Variants in RGL1 observed in about 807,000 individuals in gnomAD.
RGL1 encodes ral guanine nucleotide dissociation stimulator-like 1.
Under a neutral mutation model 95.2 loss-of-function variants are expected in RGL1, and 24 were observed. The observed-to-expected ratio is 0.25, with a 90% CI of 0.18 to 0.35. The LOEUF (loss-of-function observed/expected upper bound fraction) is 0.35, where lower values mean the gene tolerates loss of function less well. Ranked by LOEUF, RGL1 falls within the 10% of genes least tolerant of loss-of-function variation. RGL1 has a pLI of 1.00. For synonymous variants in RGL1, 329 were observed against 344.9 expected (o/e 0.95, Z 0.51); for missense variants, 715 against 936.3 (o/e 0.76, Z 3.08).
chr1:183,850,425 C>A (rs1454919815), intron 3 of RGL1, among the ~76,000 whole-genome samples: 1 of 152,054 alleles, frequency 6.6e-6, no homozygotes, highest in Admixed American at 6.6e-5. Flanking sequence ...AAGTTATATT[C>A]CAATATAAGT....
intron 1 of RGL1, among the ~76,000 whole-genome samples, chr1:183,706,271 G>A (rs540330805): frequency 8.1e-4 from 124 of 152,226 alleles, no homozygotes; most frequent in African/African-American, 2.8e-3. Context: ...GGTGGCTCGG[G>A]GTTTGGAGAC....
At chr1:183,861,211 G>A (rs572945273) in intron 3 of RGL1, among the ~76,000 whole-genome samples, 2 of 152,214 alleles carry the variant, frequency 1.3e-5, no homozygotes, top group South Asian at 4.1e-4. Flanking sequence ...GTTATTATTG[G>A]ATCATTTGCC....
chr1:183,674,151 G>A (rs552449804), intron 1 of RGL1, among the ~76,000 whole-genome samples: 7 of 152,020 alleles, frequency 4.6e-5, no homozygotes, highest in South Asian at 2.1e-4. Flanking sequence ...TAACACCATG[G>A]GAGTGAGTCC....
At chr1:183,742,118 C>T (rs777876433) in intron 1 of RGL1, 4 of 1,611,154 alleles carry the variant, frequency 2.5e-6, no homozygotes, top group Non-Finnish European at 8.5e-7. Context: ...CTTTATTCTT[C>T]CACACAGATC....
chr1:183,728,114 G>A (rs1194527925), intron 1 of RGL1, among the ~76,000 whole-genome samples: 1 of 152,168 alleles, frequency 6.6e-6, no homozygotes, highest in Non-Finnish European at 1.5e-5. Flanking sequence ...TTTAAGCTGG[G>A]ACATTGGTCT....
chr1:183,899,532 T>C (rs1346409959), intron 10 of RGL1, among the ~76,000 whole-genome samples: 1 of 152,228 alleles, frequency 6.6e-6, no homozygotes, highest in East Asian at 1.9e-4. Context: ...GCCCTTCTCA[T>C]CACATCACAT....
At chr1:183,638,937 CAT>C (rs1259975949) in intron 1 of RGL1, among the ~76,000 whole-genome samples, 1 of 152,192 alleles carries the variant, frequency 6.6e-6, no homozygotes, top group East Asian at 1.9e-4. Context: ...AGGATTCTAA[CAT>C]GTGCTTCTCT....
chr1:183,725,477 A>C (rs1656260375), intron 1 of RGL1, among the ~76,000 whole-genome samples: 2 of 152,338 alleles, frequency 1.3e-5, no homozygotes, highest in East Asian at 3.9e-4. Context: ...TAGTCTATAA[A>C]AATTTATTTA....
chr1:183,648,001 A>G, intron 1 of RGL1: 4 of 1,614,220 alleles, frequency 2.5e-6, no homozygotes, highest in Non-Finnish European at 3.4e-6. Context: ...TTTAAGGGGT[A>G]GCTCTCTAAA....
At chr1:183,685,582 G>T (rs1271253761) in intron 1 of RGL1, among the ~76,000 whole-genome samples, 2 of 152,094 alleles carry the variant, frequency 1.3e-5, no homozygotes, top group Non-Finnish European at 2.9e-5. Context: ...ATTTCAAAAA[G>T]ATTATAGTAC....
chr1:183,916,817 T>C (rs1669008191), intron 16 of RGL1, 116 bp downstream of exon 16: 4 of 1,188,752 alleles, frequency 3.4e-6, no homozygotes, highest in Non-Finnish European at 4.7e-6. Flanking sequence ...CATATACATA[T>C]ATGCATTCAC....
rs1669710357 is a variant in RGL1, at chr1:183,928,009, C to T, written c.*1717C>T. 1.3e-5 allele frequency: 2 copies of T among 152,512 alleles called. No homozygotes were observed. Among genetic ancestry groups the T allele is most frequent in the Admixed American group, 1.3e-4 (2 of 15,262 alleles). The allele number at this position is 152,512 out of a possible 1,614,324, so 9.4% of individuals were successfully genotyped here. ...GAGATTGGACTACACATTGTAAAGA[C>T]TGACTGGGTTTCAACTAGTCAAAAA... On this transcript the variant is annotated 3_prime_UTR_variant, in exon 18 of 18. Coordinates refer to ENST00000360851, the MANE Select transcript of RGL1 (RefSeq NM_001297671.3).
In RGL1 at chr1:183,847,596, ACAGT is replaced by A. The variant is rs1415048657; in HGVS notation, c.176_179del (p.Ser59AsnfsTer10). ...AGGGGACCAGCTGCCTCCAGGACAC[ACAGT>A]CAGTCAATATGAAACCTGTAAGATC... On this transcript the variant is annotated frameshift_variant, in exon 3 of 18. Transcript: ENST00000360851. LOFTEE classifies it high-confidence loss of function. The A allele has an allele frequency of 1.2e-6, 2 of 1,614,146 alleles. No homozygotes were observed. Among genetic ancestry groups the A allele is most frequent in the Admixed American group, 1.7e-5 (1 of 60,020 alleles).
intron 4 of RGL1, among the ~76,000 whole-genome samples, chr1:183,877,888 G>C (rs1179035759): frequency 6.6e-6 from 1 of 152,168 alleles, no homozygotes; most frequent in Admixed American, 6.5e-5. Flanking sequence ...AACTCTCCTA[G>C]TTCTTCTGAG....
intron 2 of RGL1, among the ~76,000 whole-genome samples, chr1:183,809,865 G>A (rs1661586670): frequency 6.6e-6 from 1 of 152,194 alleles, no homozygotes; most frequent in Non-Finnish European, 1.5e-5. Context: ...GCTGAGGTGG[G>A]AGGATCGCGT....
chr1:183,752,130 T>C (rs1658038577), intron 2 of RGL1, among the ~76,000 whole-genome samples: 1 of 152,204 alleles, frequency 6.6e-6, no homozygotes, highest in Admixed American at 6.5e-5. Flanking sequence ...ATTGCCAAAC[T>C]GTTTTCCAAA....
In RGL1 at chr1:183,729,385, G is replaced by A. The variant is rs532656292; in HGVS notation, c.-32-12741G>A. Among the ~76,000 whole-genome samples the A allele has an allele frequency of 8.5e-5, 13 of 152,196 alleles. No homozygotes were observed. The South Asian group carries it at 1.0e-3, about 12-fold the overall frequency. ...ATGCTCAATATCATTCATCATTAGGGAAATGAAAATTACAACCACAATGTG... is the reference window on the plus strand; with the variant it reads ...ATGCTCAATATCATTCATCATTAGGAAAATGAAAATTACAACCACAATGTG... On this transcript the variant is annotated intron_variant, in intron 1 of 18. Transcript: ENST00000304685.
In RGL1 at chr1:183,836,704, C is replaced by T. The variant is rs189562676; in HGVS notation, c.139-10862C>T. On this transcript the variant is annotated intron_variant, in intron 2 of 17. Transcript: ENST00000360851. ...TATCAGTAGCCAATTCTAGCAAGCCCATGATCTAGGAATATTATACGTGCC... is the reference window on the plus strand; with the variant it reads ...TATCAGTAGCCAATTCTAGCAAGCCTATGATCTAGGAATATTATACGTGCC... 2.8e-3 allele frequency among the ~76,000 whole-genome samples: 432 copies of T among 152,216 alleles called. 2 individuals carry two copies. The highest frequency in any genetic ancestry group is 9.9e-3 in the African/African-American group (413 of 41,524).
At chr1:183,652,336 G>C (rs1650821204) in intron 1 of RGL1, among the ~76,000 whole-genome samples, 1 of 152,180 alleles carries the variant, frequency 6.6e-6, no homozygotes, top group African/African-American at 2.4e-5. Flanking sequence ...AGAGGACTGT[G>C]GCTTTAACAC....
Sources: gnomAD v4.1 joint callset for allele counts (sites outside exome capture counted in the v4.1 genomes callset) on GRCh38, gnomAD v4.1.1 for gene constraint, MANE v1.5 for transcripts, NCBI Gene and HGNC (gene_info 2026-07-23, HGNC 2026-07-21) for gene names.